Variants in ANKRD30BL observed in about 807,000 individuals in gnomAD.
ANKRD30BL encodes putative ankyrin repeat domain-containing protein 30B-like.
In ANKRD30BL, 20 loss-of-function variants were observed where a neutral mutation model predicts 18.4. The ratio of observed to expected loss-of-function variants is 1.09; its 90% CI spans 0.77 to 1.58. The LOEUF is 1.58. Among genes scored for constraint, ANKRD30BL ranks in the 40% most tolerant of loss-of-function variants. The probability of loss-of-function intolerance (pLI) is 0.00; values close to 1 mark genes in which losing one functional copy is unlikely to be tolerated. For missense variants in ANKRD30BL, 224 were observed against 268.6 expected (o/e 0.83, Z 1.16); for synonymous variants, 72 against 100.9 (o/e 0.71, Z 1.72).
intron 1 of ANKRD30BL, among the ~76,000 whole-genome samples, chr2:132,215,719 C>G (rs62165461): frequency 9.9e-6 from 1 of 101,408 alleles, no homozygotes; most frequent in East Asian, 2.9e-4. Flanking sequence ...TAGACAGAAG[C>G]ATTCTGACAA....
intron 1 of ANKRD30BL, among the ~76,000 whole-genome samples, chr2:132,228,563 G>C (rs574000542): frequency 1.6e-3 from 244 of 151,304 alleles, no homozygotes; most frequent in African/African-American, 5.5e-3. Context: ...GTGGACATTT[G>C]GAGCGCTTTG....
intron 4 of ANKRD30BL, among the ~76,000 whole-genome samples, chr2:132,153,340 A>AT (rs991721738): frequency 6.6e-6 from 1 of 152,232 alleles, no homozygotes; most frequent in African/African-American, 2.4e-5. Context: ...TTGTGACATT[A>AT]TATTTATCCC....
intron 1 of ANKRD30BL, among the ~76,000 whole-genome samples, chr2:132,254,527 C>T (rs1680767556): frequency 6.6e-6 from 1 of 152,160 alleles, no homozygotes; most frequent in Non-Finnish European, 1.5e-5. Context: ...GTACAAAGGG[C>T]AGGGACTTCA....
At chr2:132,191,574 G>T (rs1347461546) in intron 1 of ANKRD30BL, among the ~76,000 whole-genome samples, 1 of 152,010 alleles carries the variant, frequency 6.6e-6, no homozygotes, top group South Asian at 2.1e-4. Context: ...TATAGTTTCT[G>T]TGCAGTGTTA....
At chr2:132,256,206 G>A (rs77396821) in intron 1 of ANKRD30BL, among the ~76,000 whole-genome samples, 3 of 152,102 alleles carry the variant, frequency 2.0e-5, no homozygotes, top group South Asian at 4.1e-4. Flanking sequence ...GGTAGAAAGC[G>A]GCCTCTGGGA....
chr2:132,161,584 T>C lies in ANKRD30BL; in HGVS notation c.122A>G (p.Lys41Arg). The C allele has an allele frequency of 7.6e-6, 11 of 1,456,138 alleles. No individual in the cohort carries two copies. The highest frequency in any genetic ancestry group is 1.0e-5 in the Non-Finnish European group (11 of 1,062,842). 90.2% of individuals were successfully genotyped at this position (1,456,138 alleles called of 1,614,324 possible). Residue 41 changes from lysine to arginine, a missense_variant, in exon 1 of 6, where the codon AAG becomes AGG. Lys to Arg is a conservative substitution (Grantham distance 26). Around this residue, in one of 3 missense-constraint regions of ANKRD30BL, gnomAD observed 131 missense variants for 128.8 expected, o/e 1.02. Coordinates refer to ENST00000409867, the MANE Select transcript of ANKRD30BL (RefSeq NM_001358416.1). ...SYVIHHGDLR[K>R]IHKAASRGQA... is the part of the protein sequence containing the mutation. ...GCCCCGGGAGGCAGCTTTGTGGATCTTCCTGAGATCCCCATGGTGAATCAC... is the reference window on the plus strand; with the variant it reads ...GCCCCGGGAGGCAGCTTTGTGGATCCTCCTGAGATCCCCATGGTGAATCAC...
At chr2:132,167,493 T>C (rs959768709) in intron 1 of ANKRD30BL, among the ~76,000 whole-genome samples, 5 of 152,048 alleles carry the variant, frequency 3.3e-5, no homozygotes, top group African/African-American at 1.2e-4. Flanking sequence ...CAGCTAACTT[T>C]TGTATTTTTA....
intron 1 of ANKRD30BL, among the ~76,000 whole-genome samples, chr2:132,158,291 C>A (rs190726865): frequency 6.6e-6 from 1 of 152,172 alleles, no homozygotes; most frequent in Non-Finnish European, 1.5e-5. Context: ...ACTTGGGATT[C>A]AAGAAGGTAT....
At chr2:132,176,101 A>T (rs1490302381) in intron 1 of ANKRD30BL, among the ~76,000 whole-genome samples, 3 of 152,242 alleles carry the variant, frequency 2.0e-5, no homozygotes, top group Non-Finnish European at 2.9e-5. Flanking sequence ...ATTTTTTTAA[A>T]GTAACATATT....
chr2:132,198,324 C>CTTTCT (rs1387738908), intron 1 of ANKRD30BL, among the ~76,000 whole-genome samples: 367 of 16,814 alleles, frequency 0.022, 1 homozygote, highest in South Asian at 0.042. Context: ...TTCTTTCTTT[C>CTTTCT]TTTTTTTTTT....
At chr2:132,170,497 G>T (rs371333958) in intron 1 of ANKRD30BL, among the ~76,000 whole-genome samples, 1 of 152,196 alleles carries the variant, frequency 6.6e-6, no homozygotes, top group Admixed American at 6.5e-5. Flanking sequence ...CTGGTCGGAG[G>T]TTCTGCTGGG....
intron 1 of ANKRD30BL, among the ~76,000 whole-genome samples, chr2:132,211,039 G>A (rs1042217682): frequency 1.1e-4 from 16 of 151,782 alleles, no homozygotes; most frequent in African/African-American, 3.9e-4. Context: ...GCCTATGGTG[G>A]AAAAGGAAAT....
At chr2:132,217,880 T>C (rs1440480389) in intron 1 of ANKRD30BL, among the ~76,000 whole-genome samples, 2 of 151,356 alleles carry the variant, frequency 1.3e-5, no homozygotes, top group African/African-American at 4.9e-5. Flanking sequence ...TTAGAAACCC[T>C]CTTTTTGTAG....
At chr2:132,208,115 C>T (rs1370157372) in intron 1 of ANKRD30BL, among the ~76,000 whole-genome samples, 1 of 152,122 alleles carries the variant, frequency 6.6e-6, no homozygotes, top group Non-Finnish European at 1.5e-5. Flanking sequence ...ATACCTGAGG[C>T]ATTGGATTCC....
At chr2:132,221,923 A>G (rs1316834060) in intron 1 of ANKRD30BL, among the ~76,000 whole-genome samples, 19 of 84,756 alleles carry the variant, frequency 2.2e-4, no homozygotes, top group Admixed American at 4.8e-4. Context: ...AGGTGGGGGG[A>G]TCAGCCCCCC....
intron 1 of ANKRD30BL, among the ~76,000 whole-genome samples, chr2:132,210,919 T>C (rs1185492922): frequency 1.4e-5 from 2 of 141,948 alleles, no homozygotes; most frequent in African/African-American, 2.6e-5. Context: ...CTGAGAAACT[T>C]CTTTGTGATG....
chr2:132,147,986 G>A lies in ANKRD30BL; in HGVS notation c.*145C>T, dbSNP rs1323125995. Reference sequence around the variant, plus strand: ...GAACGAGGAAGTTAAACTTTAAAACGGAGAACAAAGAACAGAGAAGCTGAA... The same window carrying A: ...GAACGAGGAAGTTAAACTTTAAAACAGAGAACAAAGAACAGAGAAGCTGAA... On this transcript the variant is annotated 3_prime_UTR_variant, in exon 6 of 6. Transcript: ENST00000409867. 6 of 655,158 alleles carry A rather than the reference G, an allele frequency of 9.2e-6. No homozygotes were observed. The highest frequency in any genetic ancestry group is 5.5e-5 in the African/African-American group (3 of 54,508). 40.6% of individuals were successfully genotyped at this position (655,158 alleles called of 1,614,324 possible).
In ANKRD30BL at chr2:132,161,469, C is replaced by T; in HGVS notation, c.218+19G>A. The T allele has an allele frequency of 6.9e-7, 1 of 1,449,448 alleles. No individual in the cohort carries two copies. The highest frequency in any genetic ancestry group is 9.5e-7 in the Non-Finnish European group (1 of 1,057,064). The allele number at this position is 1,449,448 out of a possible 1,614,324, so 89.8% of individuals were successfully genotyped here. On this transcript the variant is annotated intron_variant, in intron 1 of 5. Coordinates refer to ENST00000409867, the MANE Select transcript of ANKRD30BL (RefSeq NM_001358416.1). The stretch of plus-strand genomic sequence containing the variant: ...CCTCCTCCTCCTCCTGCAGCCCCGG[C>T]TCAGGCAGGGCCTGGTACCTCTTCT...
At chr2:132,161,009 C>T (rs1176618120) in intron 1 of ANKRD30BL, among the ~76,000 whole-genome samples, 1 of 146,454 alleles carries the variant, frequency 6.8e-6, no homozygotes, top group Non-Finnish European at 1.5e-5. Context: ...TTTACATAGA[C>T]ATTCATTGAT....
Sources: gnomAD v4.1 joint callset for allele counts (sites outside exome capture counted in the v4.1 genomes callset) on GRCh38, gnomAD v4.1.1 for gene constraint, gnomAD v4.1.1 regional missense constraint, MANE v1.5 for transcripts, NCBI Gene and HGNC (gene_info 2026-07-23, HGNC 2026-07-21) for gene names.